The following ZBTB20 variants were observed in gnomAD, a reference collection of about 807,000 sequenced individuals.
ZBTB20 encodes zinc finger and BTB domain-containing protein 20.
In ZBTB20, 9 loss-of-function variants were observed where a neutral mutation model predicts 56.9. That is an observed-to-expected ratio of 0.16 (90% CI 0.10 to 0.28). The LOEUF is 0.28. Among genes scored for constraint, ZBTB20 ranks in the 10% least tolerant of loss-of-function variants. The pLI, the probability that ZBTB20 is intolerant of heterozygous loss-of-function variation, is 1.00. For synonymous variants in ZBTB20, 417 were observed against 420.7 expected, an observed-to-expected ratio of 0.99 and a Z score of 0.11; for missense variants, 655 against 1,003.0, an observed-to-expected ratio of 0.65 and a Z score of 4.69.
At chr3:115,030,254 T>C (rs1177291233) in intron 2 of ZBTB20, among the ~76,000 whole-genome samples, 2 of 151,060 alleles carry the variant, frequency 1.3e-5, no homozygotes, top group African/African-American at 4.8e-5. Context: ...TCTATACATC[T>C]CCTATTCATC....
intron 6 of ZBTB20, among the ~76,000 whole-genome samples, chr3:114,664,718 G>A (rs944442424): frequency 9.9e-5 from 15 of 151,880 alleles, no homozygotes; most frequent in Non-Finnish European, 1.5e-5. Context: ...GGATGAAAGA[G>A]AGAAAACTGG....
intron 5 of ZBTB20, among the ~76,000 whole-genome samples, chr3:114,777,361 G>A (rs937053237): frequency 7.2e-5 from 11 of 151,998 alleles, no homozygotes; most frequent in South Asian, 2.1e-4. Context: ...AAAATTAGCC[G>A]GGCATGGTGG....
chr3:114,831,586 C>T (rs998672235), intron 4 of ZBTB20, among the ~76,000 whole-genome samples: 6 of 152,032 alleles, frequency 3.9e-5, no homozygotes, highest in African/African-American at 1.2e-4. Context: ...AATTAGGGTA[C>T]TGCCTAGGTT....
At chr3:115,098,767 A>G (rs994962909) in intron 1 of ZBTB20, among the ~76,000 whole-genome samples, 4 of 152,184 alleles carry the variant, frequency 2.6e-5, no homozygotes, top group Non-Finnish European at 5.9e-5. Context: ...AATCTGCTCT[A>G]GTGTCCCAGG....
At chr3:114,577,067 T>C (rs1196617193) in intron 6 of ZBTB20, among the ~76,000 whole-genome samples, 1 of 152,184 alleles carries the variant, frequency 6.6e-6, no homozygotes, top group African/African-American at 2.4e-5. Context: ...ATCTCTTTCC[T>C]ACTGGTGTAT....
intron 6 of ZBTB20, among the ~76,000 whole-genome samples, chr3:114,629,625 G>A (rs1480671685): frequency 1.3e-5 from 2 of 152,134 alleles, no homozygotes; most frequent in South Asian, 4.2e-4. Flanking sequence ...CCCTAGATAA[G>A]GCACATTGTA....
chr3:114,964,682 G>A (rs2077581178), intron 3 of ZBTB20, among the ~76,000 whole-genome samples: 2 of 152,138 alleles, frequency 1.3e-5, no homozygotes, highest in African/African-American at 2.4e-5. Context: ...CTATGTGCCT[G>A]GGTGGAGGAG....
intron 4 of ZBTB20, among the ~76,000 whole-genome samples, chr3:114,833,238 G>A (rs1324825279): frequency 6.6e-6 from 1 of 152,064 alleles, no homozygotes; most frequent in Non-Finnish European, 1.5e-5. Flanking sequence ...TACTAACATT[G>A]CTATACCAGC....
chr3:115,001,734 A>T (rs1277438575), intron 2 of ZBTB20, among the ~76,000 whole-genome samples: 1 of 151,444 alleles, frequency 6.6e-6, no homozygotes, highest in Non-Finnish European at 1.5e-5. Flanking sequence ...AACTCTGATC[A>T]AAGGTATCAA....
intron 7 of ZBTB20, among the ~76,000 whole-genome samples, chr3:114,449,936 T>A (rs2091499420): frequency 6.6e-6 from 1 of 152,316 alleles, no homozygotes; most frequent in African/African-American, 2.4e-5. Context: ...TTGAGTTAAT[T>A]TTTTTTCTTA....
chr3:114,485,215 T>C (rs1162269836), intron 7 of ZBTB20, among the ~76,000 whole-genome samples: 1 of 152,214 alleles, frequency 6.6e-6, no homozygotes, highest in African/African-American at 2.4e-5. Context: ...TAGACCAAGT[T>C]ATTTTTACAA....
At chr3:114,629,155 C>T (rs2058798355) in intron 6 of ZBTB20, among the ~76,000 whole-genome samples, 1 of 152,116 alleles carries the variant, frequency 6.6e-6, no homozygotes, top group African/African-American at 2.4e-5. Flanking sequence ...CAAATTTTGG[C>T]TCTGAAATTT....
At chr3:115,003,705 G>A (rs2079349877) in intron 2 of ZBTB20, among the ~76,000 whole-genome samples, 1 of 151,368 alleles carries the variant, frequency 6.6e-6, no homozygotes, top group South Asian at 2.1e-4. Context: ...AAAACACTAA[G>A]TTTAACAAAT....
At chr3:114,502,895 A>T (rs2044169677) in intron 6 of ZBTB20, 1 of 151,734 alleles carries the variant, frequency 6.6e-6, no homozygotes, top group Non-Finnish European at 1.5e-5. Context: ...ATTATTAGCA[A>T]TTTTCTATGA....
chr3:114,608,084 T>C (rs1445427476), intron 6 of ZBTB20, among the ~76,000 whole-genome samples: 2 of 152,084 alleles, frequency 1.3e-5, no homozygotes, highest in Non-Finnish European at 2.9e-5. Flanking sequence ...TGATGACCAT[T>C]TACTAGGAAG....
At position 114,333,747 on chromosome 3, in the gene ZBTB20, C is replaced by T. The variant is rs898769300; in HGVS notation, c.*5258G>A. 3.9e-5 allele frequency: 6 copies of T among 152,124 alleles called. No individual in the cohort carries two copies. The highest frequency in any genetic ancestry group is 1.4e-4 in the African/African-American group (6 of 41,426). The allele number at this position is 152,124 out of a possible 1,614,324, so 9.4% of individuals were successfully genotyped here. On this transcript the variant is annotated 3_prime_UTR_variant, in exon 12 of 12. Transcript: ENST00000675478. ...TTTTCTAGTGAGTAAAGAGGTTTCT[C>T]AGAGCCAGAAATCACTGAAAAGAGA...
chr3:114,751,264 C>T (rs949245601), intron 5 of ZBTB20, among the ~76,000 whole-genome samples: 1 of 152,006 alleles, frequency 6.6e-6, no homozygotes, highest in Non-Finnish European at 1.5e-5. Context: ...TATTATGTTC[C>T]AAGAACTCTA....
At chr3:114,868,823 TATC>T (rs2075875202) in intron 4 of ZBTB20, among the ~76,000 whole-genome samples, 1 of 152,146 alleles carries the variant, frequency 6.6e-6, no homozygotes, top group Admixed American at 6.6e-5. Context: ...TTTTTACTCT[TATC>T]ATGGCAACTC....
At chr3:115,002,854 C>A (rs1330784364) in intron 2 of ZBTB20, among the ~76,000 whole-genome samples, 1 of 151,628 alleles carries the variant, frequency 6.6e-6, no homozygotes, top group East Asian at 2.0e-4. Flanking sequence ...AAATCCTACA[C>A]ATAAATGTTT....
Sources: gnomAD v4.1 joint callset for allele counts (sites outside exome capture counted in the v4.1 genomes callset) on GRCh38, gnomAD v4.1.1 for gene constraint, MANE v1.5 for transcripts, NCBI Gene and HGNC (gene_info 2026-07-23, HGNC 2026-07-21) for gene names.